ADAP2: variants seen among roughly 807,000 people sequenced by gnomAD.
ADAP2 encodes the protein arf-GAP with dual PH domain-containing protein 2.
A neutral mutation model predicts 54.9 loss-of-function variants in ADAP2; 42 were observed. The ratio of observed to expected loss-of-function variants is 0.77; its 90% CI spans 0.60 to 0.99. The LOEUF (loss-of-function observed/expected upper bound fraction) is 0.99, where lower values mean the gene tolerates loss of function less well. ADAP2 is among the 50% of genes least tolerant of loss of function. The pLI is 0.00. For synonymous variants in ADAP2, 177 were observed against 180.1 expected (o/e 0.98, Z 0.14); for missense variants, 429 against 480.4 (o/e 0.89, Z 1.00).
chr17:30,926,351 G>A lies in ADAP2; in HGVS notation c.226-476G>A, dbSNP rs9898384. ...TCCTGACCTATGCACTCCATGAGGC[G>A]AGCACCCACTTCTTCCATCCTCCAG... On this transcript the variant is annotated intron_variant, in intron 2 of 10. Transcript: ENST00000330889. Among the ~76,000 whole-genome samples the A allele has an allele frequency of 3.4e-3, 511 of 152,230 alleles. 3 individuals are homozygous for A. The highest frequency in any genetic ancestry group is 0.012 in the African/African-American group (491 of 41,544).
chr17:30,952,205 T>A (rs1904710596), intron 7 of ADAP2, among the ~76,000 whole-genome samples: 1 of 152,008 alleles, frequency 6.6e-6, no homozygotes, highest in Non-Finnish European at 1.5e-5. Context: ...ATGCTGGGGA[T>A]CACATGATCC....
At chr17:30,935,406 T>C (rs563071006) in intron 5 of ADAP2, among the ~76,000 whole-genome samples, 1 of 151,920 alleles carries the variant, frequency 6.6e-6, no homozygotes, top group African/African-American at 2.4e-5. Context: ...AGTGAGAAGA[T>C]AGACAACAAT....
intron 1 of ADAP2, among the ~76,000 whole-genome samples, chr17:30,922,475 G>C (rs1270665059): frequency 6.6e-6 from 1 of 152,188 alleles, no homozygotes; most frequent in Non-Finnish European, 1.5e-5. Flanking sequence ...TGCGCACCCA[G>C]GCGCGCCCCA....
intron 6 of ADAP2, among the ~76,000 whole-genome samples, chr17:30,948,363 G>A (rs35299582): frequency 0.022 from 3,370 of 151,262 alleles, 66 homozygotes; most frequent in Middle Eastern, 0.078. Context: ...CAGATCACGA[G>A]ACCATCCTGG....
rs954251914 is a variant in ADAP2, at chr17:30,955,918, AT to A, written c.883-314del. Among the ~76,000 whole-genome samples the A allele has an allele frequency of 5.3e-5, 8 of 150,864 alleles. No homozygotes were observed. The East Asian group carries it at 1.6e-3, about 29-fold the overall frequency. On this transcript the variant is annotated intron_variant, in intron 9 of 10. Transcript: ENST00000330889. ...AAACAATTCATAATAATAATTAATA[AT>A]TTTTTTTTGTAGAGAAGGGGTCTCA...
chr17:30,927,933 T>C (rs1911184653), intron 3 of ADAP2, among the ~76,000 whole-genome samples: 1 of 151,010 alleles, frequency 6.6e-6, no homozygotes, highest in East Asian at 1.9e-4. Flanking sequence ...AAGACTGAAG[T>C]GGGTGGATTG....
At chr17:30,931,993 G>A (rs753691306) in intron 4 of ADAP2, 25 bp downstream of exon 4, 2 of 1,606,032 alleles carry the variant, frequency 1.2e-6, no homozygotes, top group Admixed American at 1.7e-5. Context: ...ATCACCTTTT[G>A]AAATCTATGT....
chr17:30,938,927 T>C (rs372932841), intron 5 of ADAP2, among the ~76,000 whole-genome samples: 1 of 152,148 alleles, frequency 6.6e-6, no homozygotes, highest in African/African-American at 2.4e-5. Context: ...TCACTACACA[T>C]TATATACATG....
intron 5 of ADAP2, 66 bp from the exon 6 acceptor site, chr17:30,944,841 G>T: frequency 6.6e-7 from 1 of 1,514,370 alleles, no homozygotes; most frequent in Non-Finnish European, 9.0e-7. Context: ...TGAAGGCCTT[G>T]GTGAAGGTTG....
At chr17:30,925,488 A>G (rs996655113) in intron 2 of ADAP2, among the ~76,000 whole-genome samples, 3 of 150,528 alleles carry the variant, frequency 2.0e-5, no homozygotes, top group Admixed American at 1.3e-4. Flanking sequence ...ACAGCGCCCA[A>G]TCCTCTGTTA....
chr17:30,939,613 T>C (rs990791865), intron 5 of ADAP2, among the ~76,000 whole-genome samples: 3 of 151,628 alleles, frequency 2.0e-5, no homozygotes, highest in African/African-American at 7.3e-5. Flanking sequence ...CTACTAAAAA[T>C]ACAAAAACTT....
At chr17:30,923,601 C>T (rs1469410123) in intron 2 of ADAP2, among the ~76,000 whole-genome samples, 2 of 151,540 alleles carry the variant, frequency 1.3e-5, no homozygotes, top group African/African-American at 2.4e-5. Context: ...CTGGGAGGCC[C>T]TGAGCTAGGT....
At chr17:30,922,278 G>T (rs1242914823) in intron 1 of ADAP2, among the ~76,000 whole-genome samples, 170 bp downstream of exon 1, 1 of 92,226 alleles carries the variant, frequency 1.1e-5, no homozygotes, top group Non-Finnish European at 2.3e-5. Flanking sequence ...CCCGAGCCCC[G>T]AGGGCCGTCT....
In ADAP2 at chr17:30,922,067, C is replaced by G. The variant is rs557673791; in HGVS notation, c.53C>G (p.Pro18Arg). ...KKRLLELLRA[P>R]DTGNAHCADC... is the part of the protein sequence containing the mutation. Reference sequence around the variant, plus strand: ...CGGCTGCTGGAGCTGCTGCGGGCGCCGGACACAGGCAACGCGCACTGCGCC... The same window carrying G: ...CGGCTGCTGGAGCTGCTGCGGGCGCGGGACACAGGCAACGCGCACTGCGCC... The change falls in exon 1 of 11, where the codon CCG becomes CGG. Residue 18 changes from proline (P) to arginine (R), a missense_variant. Pro to Arg is a moderately radical substitution (Grantham distance 103, BLOSUM62 -2). Coordinates refer to ENST00000330889, the MANE Select transcript of ADAP2 (RefSeq NM_018404.3). 246 of 1,270,770 alleles carry G rather than the reference C, an allele frequency of 1.9e-4. No homozygotes were observed. The South Asian group carries it at 2.8e-3, about 14-fold the overall frequency. The allele number at this position is 1,270,770 out of a possible 1,614,324, so 78.7% of individuals were successfully genotyped here.
chr17:30,927,276 T>C (rs1598025144), intron 3 of ADAP2, among the ~76,000 whole-genome samples: 1 of 152,098 alleles, frequency 6.6e-6, no homozygotes, highest in African/African-American at 2.4e-5. Context: ...AACACTAGTA[T>C]CTTACTAGAC....
At chr17:30,923,156 G>A (rs772495140) in intron 2 of ADAP2, 86 bp downstream of exon 2, 66 of 1,499,056 alleles carry the variant, frequency 4.4e-5, no homozygotes, top group Non-Finnish European at 5.3e-5. Flanking sequence ...TACAGAGGGG[G>A]AAACTGAGAA....
chr17:30,930,607 T>C (rs1321717947), intron 3 of ADAP2, among the ~76,000 whole-genome samples: 1 of 152,168 alleles, frequency 6.6e-6, no homozygotes, highest in African/African-American at 2.4e-5. Context: ...CCAGCGTGAC[T>C]CTGGAGAAAG....
At chr17:30,927,472 C>T (rs1911143309) in intron 3 of ADAP2, among the ~76,000 whole-genome samples, 2 of 151,940 alleles carry the variant, frequency 1.3e-5, no homozygotes, top group African/African-American at 4.8e-5. Flanking sequence ...AAAATTTAGC[C>T]GGGCGTGGTG....
chr17:30,924,715 T>C (rs1205208332), intron 2 of ADAP2, among the ~76,000 whole-genome samples: 4 of 152,060 alleles, frequency 2.6e-5, no homozygotes, highest in Non-Finnish European at 4.4e-5. Context: ...AAGTGCTGGG[T>C]CTTGGGAGAG....
Sources: allele counts gnomAD v4.1 joint callset (sites outside exome capture counted in the v4.1 genomes callset), GRCh38; gene constraint gnomAD v4.1.1; transcripts MANE v1.5; gene names NCBI Gene and HGNC (gene_info 2026-07-23, HGNC 2026-07-21).